Variants in EHHADH observed in about 807,000 individuals in gnomAD.
The protein encoded by EHHADH is peroxisomal bifunctional enzyme.
Under a neutral mutation model 64.4 loss-of-function variants are expected in EHHADH, and 48 were observed. That is an observed-to-expected ratio of 0.75 (90% confidence interval 0.59 to 0.95). EHHADH has a LOEUF of 0.95. Ranked by LOEUF, EHHADH falls within the 40% of genes least tolerant of loss-of-function variation. The pLI, the probability that EHHADH is intolerant of heterozygous loss-of-function variation, is 0.00. For missense variants in EHHADH, 854 were observed against 876.6 expected (o/e 0.97, Z 0.33); for synonymous variants, 308 against 326.7 (o/e 0.94, Z 0.62).
chr3:185,191,940 C>A lies in EHHADH; in HGVS notation c.*286G>T. On this transcript the variant is annotated 3_prime_UTR_variant, in exon 7 of 7. Transcript: ENST00000231887. ...TGACACATTTATCCAATGATAAAAG[C>A]ATTTGAGAATCTCAACTTATGCCTG... The A allele has an allele frequency of 2.5e-6, 1 of 400,368 alleles. No individual in the cohort carries two copies. The allele number at this position is 400,368 out of a possible 1,614,324, so 24.8% of individuals were successfully genotyped here.
Position 185,216,855 on chromosome 3 carries a change from CCT to C in EHHADH, c.568+1279_568+1280del, listed in dbSNP as rs1400449369. On this transcript the variant is annotated intron_variant, in intron 5 of 6. Coordinates refer to ENST00000231887, the MANE Select transcript of EHHADH (RefSeq NM_001966.4). The surrounding 1 kb of genome is among the most constrained non-coding windows in gnomAD (Gnocchi z 5.3). ...ATTATTTTTTTCTGGCTATTTTTAC[CCT>C]CTCCATCTTGCTCATTTAAAGATGA... Among the ~76,000 whole-genome samples, 2 of 151,990 alleles carry C rather than the reference CCT, an allele frequency of 1.3e-5. No individual in the cohort carries two copies. Among genetic ancestry groups the C allele is most frequent in the Non-Finnish European group, 2.9e-5 (2 of 68,026 alleles).
intron 6 of EHHADH, among the ~76,000 whole-genome samples, chr3:185,202,120 C>T (rs777226507): frequency 1.3e-4 from 20 of 152,262 alleles, no homozygotes; most frequent in Middle Eastern, 3.4e-3. Context: ...GGCGGATCAC[C>T]TGAGGTCAGA....
rs1304156164 is a variant in EHHADH, at chr3:185,196,870, C to T, written c.911-3383G>A. Among the ~76,000 whole-genome samples, 9 of 151,992 alleles carry T rather than the reference C, an allele frequency of 5.9e-5. No individual in the cohort carries two copies. In the South Asian group the frequency reaches 6.2e-4, roughly 11 times the overall value. ...TGCAAAAATTAGCCAGGTGTGGTGG[C>T]ATGTGCCTATGGTCCCAGCTCCTCA... On this transcript the variant is annotated intron_variant, in intron 6 of 6. Coordinates refer to ENST00000231887, the MANE Select transcript of EHHADH (RefSeq NM_001966.4).
chr3:185,204,486 C>T lies in EHHADH; in HGVS notation c.840G>A (p.Lys280=), dbSNP rs1414825296. Residue 280 remains lysine (K), a synonymous_variant, in exon 6 of 7, where the codon AAG becomes AAA. Coordinates refer to ENST00000231887, the MANE Select transcript of EHHADH (RefSeq NM_001966.4). ...ACGATGCTCCGGAGGGAGTTGACCACTTATTTGCTTTCCTTTCAGCGAAGA... is the reference window on the plus strand; with the variant it reads ...ACGATGCTCCGGAGGGAGTTGACCATTTATTTGCTTTCCTTTCAGCGAAGA... ...YAFFAERKAN[K]WSTPSGASWK... 4 of 1,614,150 alleles carry T rather than the reference C, an allele frequency of 2.5e-6. No homozygotes were observed. Among genetic ancestry groups the T allele is most frequent in the Non-Finnish European group, 3.4e-6 (4 of 1,180,024 alleles).
intron 2 of EHHADH, chr3:185,246,337 C>A (rs532402522): frequency 2.8e-6 from 2 of 723,028 alleles, no homozygotes; most frequent in Non-Finnish European, 4.5e-6. Context: ...CTGAGGGCTG[C>A]GTTTCCTGTT....
chr3:185,193,466 C>T lies in EHHADH; in HGVS notation c.932G>A (p.Gly311Asp), dbSNP rs1301503304. ...GGCCCTTGCAAAAGAAATGACAATGCCTCGGCCCATTGTTCCCAAGCCTGC... is the reference window on the plus strand; with the variant it reads ...GGCCCTTGCAAAAGAAATGACAATGTCTCGGCCCATTGTTCCCAAGCCTGC... ...GVVGLGTMGR[G>D]IVISFARARI... is the part of the protein sequence containing the mutation. Residue 311 changes from glycine to aspartate, a missense_variant, in exon 7 of 7, where the codon GGC becomes GAC. Transcript: ENST00000231887. 3.1e-6 allele frequency: 5 copies of T among 1,614,054 alleles called. No individual in the cohort carries two copies. The highest frequency in any genetic ancestry group is 2.5e-6 in the Non-Finnish European group (3 of 1,180,006).
rs140129218 is a variant in EHHADH at position 185,197,900 on chromosome 3, G to A, written c.911-4413C>T. Among the ~76,000 whole-genome samples the A allele has an allele frequency of 3.9e-3, 589 of 152,132 alleles. 7 individuals carry two copies. Among genetic ancestry groups the A allele is most frequent in the Middle Eastern group, 0.017 (5 of 294 alleles). ...CAACCTCTGCCTCCTGGGTTCAAGC[G>A]ATTCTCCTGCCTCAGCCTCCCAAGT... On this transcript the variant is annotated intron_variant, in intron 6 of 6. Transcript: ENST00000231887.
At chr3:185,243,780 T>C (rs1455146119) in intron 2 of EHHADH, among the ~76,000 whole-genome samples, 3 of 152,244 alleles carry the variant, frequency 2.0e-5, no homozygotes, top group Non-Finnish European at 2.9e-5. Context: ...GAACGTTCCA[T>C]GCACAGAATG....
intron 4 of EHHADH, among the ~76,000 whole-genome samples, chr3:185,218,680 T>C (rs1718757217): frequency 6.6e-6 from 1 of 151,848 alleles, no homozygotes. Context: ...CAGAGTAATA[T>C]ATAGTATCTA....
chr3:185,245,625 T>A (rs1323725488), intron 2 of EHHADH: 6 of 728,452 alleles, frequency 8.2e-6, no homozygotes, highest in Non-Finnish European at 1.5e-5. Flanking sequence ...GTGTGACAAG[T>A]GACATACTCC....
chr3:185,220,766 A>C (rs950240662), intron 4 of EHHADH, among the ~76,000 whole-genome samples: 3 of 152,210 alleles, frequency 2.0e-5, no homozygotes, highest in African/African-American at 7.2e-5. Context: ...TGTGTGCCCT[A>C]AGGGAACTGA....
At chr3:185,204,287 G>A in intron 6 of EHHADH, 129 bp downstream of exon 6, 1 of 802,506 alleles carries the variant, frequency 1.2e-6, no homozygotes, top group East Asian at 2.7e-5. Context: ...ATGGGGTGGT[G>A]TGAGAATTAG....
intron 4 of EHHADH, among the ~76,000 whole-genome samples, chr3:185,224,535 A>G (rs1718922858): frequency 6.6e-6 from 1 of 151,814 alleles, no homozygotes; most frequent in Non-Finnish European, 1.5e-5. Context: ...GAAAGAAAAA[A>G]ATATTTTCCA....
At chr3:185,224,122 CT>C (rs1560015420) in intron 4 of EHHADH, among the ~76,000 whole-genome samples, 1 of 152,026 alleles carries the variant, frequency 6.6e-6, no homozygotes, top group Admixed American at 6.6e-5. Flanking sequence ...AAAGTTGGCA[CT>C]TTTTTTCCTC....
chr3:185,193,533 G>T, intron 6 of EHHADH, 46 bp from the exon 7 acceptor site: 1 of 1,583,672 alleles, frequency 6.3e-7, no homozygotes, highest in South Asian at 1.2e-5. Flanking sequence ...CAGTGGTATT[G>T]GGAACTGATA....
In EHHADH at chr3:185,201,680, A is replaced by G. The variant is rs182748842; in HGVS notation, c.910+2736T>C. 5.8e-4 allele frequency among the ~76,000 whole-genome samples: 88 copies of G among 152,340 alleles called. 1 individual carries two copies. The highest frequency in any genetic ancestry group is 5.6e-3 in the Admixed American group (86 of 15,294). On this transcript the variant is annotated intron_variant, in intron 6 of 6. Transcript: ENST00000231887. The stretch of plus-strand genomic sequence containing the variant: ...AGATCCTCTTACTTGATTTCTATCT[A>G]CGTGTCTTTTATATATTTAGTACGC...
intron 5 of EHHADH, among the ~76,000 whole-genome samples, chr3:185,205,452 G>A (rs991165583): frequency 2.6e-5 from 4 of 152,122 alleles, no homozygotes; most frequent in Non-Finnish European, 2.9e-5. Flanking sequence ...AGGAGACAGC[G>A]TGGTATTGAT....
At chr3:185,217,426 T>A (rs982932184) in intron 5 of EHHADH, among the ~76,000 whole-genome samples, 2 of 151,312 alleles carry the variant, frequency 1.3e-5, no homozygotes, top group Non-Finnish European at 2.9e-5. Context: ...GACGCCTGTA[T>A]TCCCAGCTAC....
At chr3:185,238,047 G>C (rs1226605902) in intron 2 of EHHADH, among the ~76,000 whole-genome samples, 1 of 151,992 alleles carries the variant, frequency 6.6e-6, no homozygotes, top group African/African-American at 2.4e-5. Context: ...TGCGGTATTT[G>C]ATTTTCTATT....
Sources: gnomAD v4.1 joint callset for allele counts (sites outside exome capture counted in the v4.1 genomes callset) on GRCh38, gnomAD v4.1.1 for gene constraint, Gnocchi (gnomAD v3.1) non-coding constraint, MANE v1.5 for transcripts, NCBI Gene and HGNC (gene_info 2026-07-23, HGNC 2026-07-21) for gene names.